ACACA: variants seen among roughly 807,000 people sequenced by gnomAD.
ACACA encodes the protein acetyl-CoA carboxylase 1.
ACACA carries 103 observed loss-of-function variants against 296.1 expected under a neutral mutation model. The ratio of observed to expected loss-of-function variants is 0.35; its 90% CI spans 0.30 to 0.41. ACACA has a LOEUF of 0.41. Ranked by LOEUF, ACACA falls within the 10% of genes least tolerant of loss-of-function variation. ACACA has a pLI of 1.00. For synonymous variants in ACACA, 953 were observed against 1,038.6 expected (o/e 0.92, Z 1.58); for missense variants, 1,554 against 2,989.7 (o/e 0.52, Z 11.20).
chr17:37,375,435 C>G (rs985854474), intron 1 of ACACA, among the ~76,000 whole-genome samples: 2 of 151,920 alleles, frequency 1.3e-5, no homozygotes, highest in African/African-American at 4.8e-5. Context: ...TGCAGTGAGC[C>G]GAGATCGTGT....
At chr17:37,384,589 G>A (rs1257835111) in intron 1 of ACACA, among the ~76,000 whole-genome samples, 2 of 151,564 alleles carry the variant, frequency 1.3e-5, no homozygotes, top group African/African-American at 4.9e-5. Context: ...ATAACTTGTG[G>A]TGACTTGTCC....
At chr17:37,324,710 C>T (rs1473819020) in intron 3 of ACACA, among the ~76,000 whole-genome samples, 1 of 148,912 alleles carries the variant, frequency 6.7e-6, no homozygotes, top group Non-Finnish European at 1.5e-5. Context: ...TGGCGCATAC[C>T]TGTAGTCCCA....
At chr17:37,381,425 T>C (rs2139297) in intron 1 of ACACA, among the ~76,000 whole-genome samples, 2 of 151,508 alleles carry the variant, frequency 1.3e-5, no homozygotes, top group African/African-American at 2.4e-5. Context: ...ACTTCAAGTG[T>C]TTCACCCACC....
intron 11 of ACACA, among the ~76,000 whole-genome samples, chr17:37,261,454 T>C (rs1286054293): frequency 6.6e-6 from 1 of 152,188 alleles, no homozygotes; most frequent in Non-Finnish European, 1.5e-5. Context: ...TTTGAAGGAA[T>C]TGTATTTCTA....
chr17:37,258,111 C>A, intron 13 of ACACA, 101 bp downstream of exon 13: 2 of 1,418,076 alleles, frequency 1.4e-6, no homozygotes, highest in East Asian at 2.4e-5. Flanking sequence ...GTTTCCCACT[C>A]CAGAGGAAGT....
intron 50 of ACACA, among the ~76,000 whole-genome samples, chr17:37,114,213 AC>A (rs2074122240): frequency 6.6e-6 from 1 of 151,976 alleles, no homozygotes; most frequent in South Asian, 2.1e-4. Flanking sequence ...TAAACAAAAA[AC>A]AAGAGAGGAA....
At chr17:37,185,603 C>G (rs1447594420) in intron 39 of ACACA, among the ~76,000 whole-genome samples, 2 of 150,828 alleles carry the variant, frequency 1.3e-5, no homozygotes, top group African/African-American at 4.9e-5. Context: ...GATTCTTGCT[C>G]CATTGCCCAG....
intron 3 of ACACA, among the ~76,000 whole-genome samples, chr17:37,305,621 T>C (rs1190594267): frequency 2.6e-5 from 4 of 152,210 alleles, no homozygotes; most frequent in Non-Finnish European, 5.9e-5. Flanking sequence ...GCCTGCAATA[T>C]GCTTGCCCCA....
intron 3 of ACACA, among the ~76,000 whole-genome samples, chr17:37,309,099 G>A (rs117983578): frequency 0.036 from 5,539 of 152,094 alleles, 147 homozygotes; most frequent in Non-Finnish European, 0.052. Flanking sequence ...AGTTCACTGC[G>A]GCCTTAAACT....
chr17:37,274,600 A>G (rs2082198590), intron 8 of ACACA: 1 of 982,504 alleles, frequency 1.0e-6, no homozygotes, highest in Non-Finnish European at 1.2e-6. Flanking sequence ...TACTTCTCAC[A>G]GCAACTCAGC....
intron 54 of ACACA, among the ~76,000 whole-genome samples, chr17:37,096,177 C>A (rs2142687238): frequency 6.6e-6 from 1 of 152,304 alleles, no homozygotes; most frequent in Admixed American, 6.5e-5. Flanking sequence ...TCCACACAGC[C>A]CCCTTAGTGG....
intron 41 of ACACA, among the ~76,000 whole-genome samples, chr17:37,166,428 T>C (rs1372113924): frequency 1.3e-5 from 2 of 152,140 alleles, no homozygotes; most frequent in Non-Finnish European, 2.9e-5. Flanking sequence ...TGTGAGCCAC[T>C]GCACCCTGCC....
intron 1 of ACACA, among the ~76,000 whole-genome samples, chr17:37,355,646 G>A (rs536765037): frequency 4.0e-5 from 6 of 151,054 alleles, no homozygotes; most frequent in African/African-American, 9.7e-5. Context: ...ATCCGAGGTC[G>A]GGAGTTCGAG....
Position 37,113,219 on chromosome 17 carries a change from G to T in ACACA, c.6321C>A (p.Gly2107=). The T allele has an allele frequency of 6.2e-7, 1 of 1,614,178 alleles. No individual in the cohort carries two copies. Among genetic ancestry groups the T allele is most frequent in the Non-Finnish European group, 8.5e-7 (1 of 1,180,026 alleles). The change falls in exon 51 of 56, where the codon GGC becomes GGA. Residue 2107 remains glycine, a synonymous_variant. Coordinates refer to ENST00000616317, the MANE Select transcript of ACACA (RefSeq NM_198834.3). This position sits in a 1 kb window ranked among gnomAD's most constrained non-coding sequence, Gnocchi z 4.0. ...VLKFGAYIVD[G]LRECCQPVLV... is the part of the protein sequence containing the mutation. ...GCACAGGCTGGCAGCACTCCCTCAA[G>T]CCATCCACAATGTAAGCACCAAACT... is the stretch of plus-strand genomic sequence containing the variant.
chr17:37,192,657 C>T (rs1291527610), intron 36 of ACACA, among the ~76,000 whole-genome samples: 1 of 152,102 alleles, frequency 6.6e-6, no homozygotes, highest in Non-Finnish European at 1.5e-5. Flanking sequence ...TTACAGGCTG[C>T]TTCACATTAA....
At chr17:37,254,149 T>C (rs1598323571) in intron 14 of ACACA, among the ~76,000 whole-genome samples, 2 of 152,120 alleles carry the variant, frequency 1.3e-5, no homozygotes. Flanking sequence ...ATAAATACAA[T>C]AATCACTTTC....
At chr17:37,361,453 T>TGG (rs1269789741) in intron 1 of ACACA, among the ~76,000 whole-genome samples, 11 of 152,142 alleles carry the variant, frequency 7.2e-5, no homozygotes, top group Non-Finnish European at 1.5e-4. Flanking sequence ...ATGTCCTGCT[T>TGG]TTGACTTCAC....
Position 37,167,455 on chromosome 17 carries a change from A to T in ACACA, c.5080-5405T>A, listed in dbSNP as rs571986416. The stretch of plus-strand genomic sequence containing the variant: ...TGCCTCAGCCTCCCAAGTAACTAGG[A>T]TTACAGGCACGTAACACCACGCCCG... On this transcript the variant is annotated intron_variant, in intron 41 of 55. Transcript: ENST00000616317. 1.7e-4 allele frequency among the ~76,000 whole-genome samples: 25 copies of T among 150,530 alleles called. No individual in the cohort carries two copies. The South Asian group carries it at 5.3e-3, about 32-fold the overall frequency.
chr17:37,125,580 A>G, intron 48 of ACACA, 118 bp downstream of exon 48: 1 of 1,026,572 alleles, frequency 9.7e-7, no homozygotes, highest in South Asian at 1.4e-5. Context: ...ATAATCCAAT[A>G]TTCTCAGACA....
Sources: allele counts gnomAD v4.1 joint callset (sites outside exome capture counted in the v4.1 genomes callset), GRCh38; gene constraint gnomAD v4.1.1; non-coding constraint Gnocchi (gnomAD v3.1); transcripts MANE v1.5; gene names NCBI Gene and HGNC (gene_info 2026-07-23, HGNC 2026-07-21).